CCSER1: variants seen among roughly 807,000 people sequenced by gnomAD.
The protein encoded by CCSER1 is serine-rich coiled-coil domain-containing protein 1.
In CCSER1, 41 loss-of-function variants were observed where a neutral mutation model predicts 82.0. The observed-to-expected ratio is 0.50, with a 90% confidence interval of 0.39 to 0.65. The LOEUF is 0.65. CCSER1 is among the 30% of genes least tolerant of loss of function. The pLI is 0.00. For missense variants in CCSER1, 1,119 were observed against 1,064.2 expected (o/e 1.05, Z -0.72); for synonymous variants, 414 against 383.9 (o/e 1.08, Z -0.92).
At chr4:90,430,549 C>A (rs564640732) in intron 4 of CCSER1, among the ~76,000 whole-genome samples, 40 of 151,914 alleles carry the variant, frequency 2.6e-4, no homozygotes, top group South Asian at 1.2e-3. Flanking sequence ...TTCTTACTGC[C>A]TCTCAGGGAT....
chr4:90,270,730 A>T (rs563720671), intron 1 of CCSER1, among the ~76,000 whole-genome samples: 1 of 152,232 alleles, frequency 6.6e-6, no homozygotes, highest in Non-Finnish European at 1.5e-5. Flanking sequence ...ATATGATCTT[A>T]TATTTGGAAA....
At chr4:91,107,106 A>G (rs1725690521) in intron 10 of CCSER1, among the ~76,000 whole-genome samples, 2 of 152,182 alleles carry the variant, frequency 1.3e-5, no homozygotes, top group Admixed American at 1.3e-4. Flanking sequence ...AGTTGTCTAC[A>G]GTATTGAGTC....
At chr4:90,992,678 A>G (rs1225286364) in intron 9 of CCSER1, among the ~76,000 whole-genome samples, 1 of 151,970 alleles carries the variant, frequency 6.6e-6, no homozygotes, top group Non-Finnish European at 1.5e-5. Context: ...TTGTGGTTGT[A>G]GGGCCGTTAG....
intron 10 of CCSER1, among the ~76,000 whole-genome samples, chr4:91,428,412 T>G (rs868635569): frequency 7.9e-5 from 12 of 152,146 alleles, no homozygotes; most frequent in Middle Eastern, 6.8e-3. Flanking sequence ...GTCTTTATAA[T>G]ATGGCAAATG....
intron 1 of CCSER1, among the ~76,000 whole-genome samples, chr4:90,203,898 A>C (rs1285766240): frequency 6.6e-6 from 1 of 152,080 alleles, no homozygotes; most frequent in Non-Finnish European, 1.5e-5. Context: ...CTGGCACGAG[A>C]TGGTATCTCA....
chr4:91,555,988 C>A (rs773900075), intron 10 of CCSER1, among the ~76,000 whole-genome samples: 1 of 151,002 alleles, frequency 6.6e-6, no homozygotes, highest in African/African-American at 2.4e-5. Flanking sequence ...ATTGTAGATG[C>A]AAAAATAGAA....
chr4:91,521,976 A>G (rs896090057), intron 10 of CCSER1, among the ~76,000 whole-genome samples: 3 of 152,146 alleles, frequency 2.0e-5, no homozygotes, highest in African/African-American at 7.2e-5. Flanking sequence ...CCTGAATGGT[A>G]TTGCCTAGAT....
intron 7 of CCSER1, among the ~76,000 whole-genome samples, chr4:90,776,985 C>A (rs1046574339): frequency 6.6e-6 from 1 of 152,132 alleles, no homozygotes; most frequent in Non-Finnish European, 1.5e-5. Context: ...AAGATAGGCA[C>A]TCAGAAGGTA....
intron 10 of CCSER1, among the ~76,000 whole-genome samples, chr4:91,380,613 T>A (rs1345249894): frequency 6.6e-6 from 1 of 152,158 alleles, no homozygotes; most frequent in Non-Finnish European, 1.5e-5. Context: ...ATCTTCCTCC[T>A]TCCCTTTATT....
At chr4:90,597,537 T>A (rs190687444) in intron 5 of CCSER1, among the ~76,000 whole-genome samples, 3,016 of 152,114 alleles carry the variant, frequency 0.02, 99 homozygotes, top group African/African-American at 0.069. Flanking sequence ...TAATTTTTTT[T>A]AAAAAATACA....
intron 8 of CCSER1, among the ~76,000 whole-genome samples, chr4:90,834,675 C>T (rs931780747): frequency 3.3e-5 from 5 of 152,022 alleles, no homozygotes; most frequent in South Asian, 2.1e-4. Context: ...AAAAAAATAC[C>T]GTGTTCAGTT....
At chr4:91,357,518 G>A (rs181320145) in intron 10 of CCSER1, among the ~76,000 whole-genome samples, 3,000 of 152,106 alleles carry the variant, frequency 0.02, 89 homozygotes, top group African/African-American at 0.067. Context: ...ACATTTTAAA[G>A]CTTGCTTAAA....
chr4:90,506,983 T>C (rs193157606), intron 5 of CCSER1, among the ~76,000 whole-genome samples: 7 of 152,304 alleles, frequency 4.6e-5, no homozygotes, highest in African/African-American at 1.7e-4. Flanking sequence ...GTTTCAGTTC[T>C]CTTGTCTCAA....
At chr4:91,310,085 T>C (rs996440077) in intron 10 of CCSER1, among the ~76,000 whole-genome samples, 3 of 152,064 alleles carry the variant, frequency 2.0e-5, no homozygotes, top group African/African-American at 7.2e-5. Flanking sequence ...CAAATTTACC[T>C]TTTTAATAAA....
chr4:91,143,162 G>GT (rs1163335940), intron 10 of CCSER1, among the ~76,000 whole-genome samples: 4 of 151,602 alleles, frequency 2.6e-5, no homozygotes, highest in Non-Finnish European at 5.9e-5. Context: ...TCTTTCAGCA[G>GT]TTTTTTGTAG....
intron 6 of CCSER1, among the ~76,000 whole-genome samples, chr4:90,702,921 C>T (rs924744565): frequency 6.6e-6 from 1 of 152,096 alleles, no homozygotes; most frequent in African/African-American, 2.4e-5. Flanking sequence ...TTCAAAAAAC[C>T]AGCTCCTGGA....
intron 9 of CCSER1, chr4:91,015,461 G>A (rs1181142951): frequency 6.6e-6 from 1 of 151,886 alleles, no homozygotes; most frequent in Non-Finnish European, 1.5e-5. Context: ...TTTTGACAAA[G>A]GACCTGAATA....
At chr4:90,720,526 TTTTG>T (rs1372890636) in intron 6 of CCSER1, among the ~76,000 whole-genome samples, 14 of 152,078 alleles carry the variant, frequency 9.2e-5, no homozygotes, top group African/African-American at 2.7e-4. Flanking sequence ...AAATTTTATA[TTTTG>T]TTTGTTTGTT....
intron 5 of CCSER1, among the ~76,000 whole-genome samples, chr4:90,583,577 A>G (rs1317738815): frequency 6.6e-6 from 1 of 152,294 alleles, no homozygotes; most frequent in Non-Finnish European, 1.5e-5. Context: ...TCTGCCAAAC[A>G]TGCTAAAATG....
Sources: gnomAD v4.1 joint callset for allele counts (sites outside exome capture counted in the v4.1 genomes callset) on GRCh38, gnomAD v4.1.1 for gene constraint, MANE v1.5 for transcripts, NCBI Gene and HGNC (gene_info 2026-07-23, HGNC 2026-07-21) for gene names.